FAHD2A: variants seen among roughly 807,000 people sequenced by gnomAD.
The protein encoded by FAHD2A is fumarylacetoacetate hydrolase domain containing 2A.
FAHD2A carries 27 observed loss-of-function variants against 33.4 expected under a neutral mutation model. The observed-to-expected ratio is 0.81, with a 90% CI of 0.60 to 1.11. FAHD2A has a LOEUF of 1.11. Among genes scored for constraint, FAHD2A ranks in the 50% most tolerant of loss-of-function variants. FAHD2A has a pLI of 0.00. For synonymous variants in FAHD2A, 130 were observed against 153.3 expected (o/e 0.85, Z 1.12); for missense variants, 296 against 395.0 (o/e 0.75, Z 2.12).
In FAHD2A at chr2:95,407,043, G is replaced by A. The variant is rs1558795050; in HGVS notation, c.348G>A (p.Val116=). ...DKVVCVGMNY[V]DHCKEQNVPV... is the part of the protein sequence containing the mutation. ...TGGTGTGTGTGGGCATGAATTATGTGGACCACTGCAAAGAACAGAACGTGC... is the reference window on the plus strand; with the variant it reads ...TGGTGTGTGTGGGCATGAATTATGTAGACCACTGCAAAGAACAGAACGTGC... The change falls in exon 3 of 8, where the codon GTG becomes GTA. Residue 116 remains valine, a synonymous_variant. Coordinates refer to ENST00000233379, the MANE Select transcript of FAHD2A (RefSeq NM_016044.3). 1.9e-6 allele frequency: 3 copies of A among 1,613,772 alleles called. No individual in the cohort carries two copies. Among genetic ancestry groups the A allele is most frequent in the Non-Finnish European group, 2.5e-6 (3 of 1,179,858 alleles).
At chr2:95,404,280 TCTGAGCC>T (rs1440049110) in intron 1 of FAHD2A, among the ~76,000 whole-genome samples, 4 of 151,820 alleles carry the variant, frequency 2.6e-5, no homozygotes, top group Non-Finnish European at 5.9e-5. Context: ...CAAAACAGGA[TCTGAGCC>T]CTGAGGATTT....
At chr2:95,411,154 A>T in intron 5 of FAHD2A, 128 bp downstream of exon 5, 1 of 1,440,788 alleles carries the variant, frequency 6.9e-7, no homozygotes, top group Non-Finnish European at 9.3e-7. Context: ...CTGACTCCAT[A>T]CAGGGCAAGT....
Position 95,414,402 on chromosome 2 carries a change from G to A in FAHD2A, c.*1445G>A, listed in dbSNP as rs1290196427. 9.6e-6 allele frequency: 6 copies of A among 622,242 alleles called. No homozygotes were observed. The highest frequency in any genetic ancestry group is 1.5e-5 in the Non-Finnish European group (5 of 338,052). 38.5% of individuals were successfully genotyped at this position (622,242 alleles called of 1,614,324 possible). A position where few individuals can be genotyped will look rare whatever the true frequency, so the allele number is the denominator to read the frequency against. On this transcript the variant is annotated 3_prime_UTR_variant, in exon 8 of 8. Transcript: ENST00000233379. ...GAAAACAGAGGATGTGGTGGGATGGGGAAGGAAAGGTTGTGGAAGGCCTGC... is the reference window on the plus strand; with the variant it reads ...GAAAACAGAGGATGTGGTGGGATGGAGAAGGAAAGGTTGTGGAAGGCCTGC...
In FAHD2A at chr2:95,411,496, G is replaced by A. The variant is rs374759183; in HGVS notation, c.685+470G>A. 2.2e-4 allele frequency among the ~76,000 whole-genome samples: 33 copies of A among 152,382 alleles called. No homozygotes were observed. The South Asian group carries it at 6.8e-3, about 32-fold the overall frequency. On this transcript the variant is annotated intron_variant, in intron 5 of 7. Transcript: ENST00000233379. ...GGGGCAGTGCCCCAGAGGGCAGAGC[G>A]CAGCCTCTTACACAGCCACCCACAA...
Position 95,402,737 on chromosome 2 carries a change from G to C in FAHD2A, c.-142G>C, listed in dbSNP as rs1359257272. ...TTCTCTCGGGTGATCCGGCCGAGTG[G>C]CCCTGGGTTAGCAGCTGCTGCATTT... On this transcript the variant is annotated 5_prime_UTR_variant, in exon 1 of 8. Transcript: ENST00000233379. The C allele has an allele frequency of 6.6e-6, 1 of 152,338 alleles. No homozygotes were observed. Among genetic ancestry groups the C allele is most frequent in the African/African-American group, 2.4e-5 (1 of 41,462 alleles). 9.4% of individuals were successfully genotyped at this position (152,338 alleles called of 1,614,324 possible). A position where few individuals can be genotyped will look rare whatever the true frequency, so the allele number is the denominator to read the frequency against.
chr2:95,413,873 G>T lies in FAHD2A; in HGVS notation c.*916G>T, dbSNP rs1682896664. The T allele has an allele frequency of 2.3e-6, 2 of 851,800 alleles. No homozygotes were observed. The highest frequency in any genetic ancestry group is 4.0e-6 in the Non-Finnish European group (2 of 497,766). 52.8% of individuals were successfully genotyped at this position (851,800 alleles called of 1,614,324 possible). A position where few individuals can be genotyped will look rare whatever the true frequency, so the allele number is the denominator to read the frequency against. ...GGCACCATCAGGCCAGCCCTGTGGG[G>T]TGATGGGAACATAGCTGGGTTTCCC... On this transcript the variant is annotated 3_prime_UTR_variant, in exon 8 of 8. Coordinates refer to ENST00000233379, the MANE Select transcript of FAHD2A (RefSeq NM_016044.3).
At position 95,412,486 on chromosome 2, in the gene FAHD2A, C is replaced by T. The variant is rs149789450; in HGVS notation, c.738C>T (p.Ser246=). The T allele has an allele frequency of 1.8e-3, 2,878 of 1,613,942 alleles. 2 individuals carry two copies. The highest frequency in any genetic ancestry group is 2.3e-3 in the Non-Finnish European group (2,682 of 1,179,862). Residue 246 remains serine, a synonymous_variant, in exon 6 of 8, where the codon AGC becomes AGT. Transcript: ENST00000233379. ...CCRVNGEVVQ[S]GNTNQMVFKT... ...GAGTGAATGGGGAAGTGGTCCAGAG[C>T]GGCAACACCAACCAGATGGTATTCA...
At chr2:95,403,780 G>C (rs763807966) in intron 1 of FAHD2A, among the ~76,000 whole-genome samples, 1 of 152,214 alleles carries the variant, frequency 6.6e-6, no homozygotes, top group Non-Finnish European at 1.5e-5. Context: ...TGTTTCATCT[G>C]TAAAATGAGG....
rs757914678 is a variant in FAHD2A at position 95,407,035 on chromosome 2, A to G, written c.340A>G (p.Asn114Asp). 2 of 1,613,812 alleles carry G rather than the reference A, an allele frequency of 1.2e-6. No individual in the cohort carries two copies. Among genetic ancestry groups the G allele is most frequent in the East Asian group, 4.5e-5 (2 of 44,882 alleles). ...RPDKVVCVGM[N>D]YVDHCKEQNV... is the part of the protein sequence containing the mutation. Reference sequence around the variant, plus strand: ...AGATAAGGTGGTGTGTGTGGGCATGAATTATGTGGACCACTGCAAAGAACA... The same window carrying G: ...AGATAAGGTGGTGTGTGTGGGCATGGATTATGTGGACCACTGCAAAGAACA... Residue 114 changes from asparagine to aspartate, a missense_variant, in exon 3 of 8, where the codon AAT (asparagine) becomes GAT (aspartate). Physicochemically the swap from Asn to Asp is conservative, Grantham distance 23 (BLOSUM62 1). Coordinates refer to ENST00000233379, the MANE Select transcript of FAHD2A (RefSeq NM_016044.3).
intron 3 of FAHD2A, 110 bp from the exon 4 acceptor site, chr2:95,410,417 C>T (rs1303481274): frequency 4.2e-6 from 6 of 1,412,712 alleles, no homozygotes; most frequent in Admixed American, 2.1e-5. Context: ...GGGATGGCAG[C>T]GAAGCCATAC....
chr2:95,410,770 T>C (rs1195761701), intron 4 of FAHD2A, 94 bp from the exon 5 acceptor site: 1 of 1,576,172 alleles, frequency 6.3e-7, no homozygotes, highest in Non-Finnish European at 8.6e-7. Flanking sequence ...CTCTGGCTAC[T>C]AACATGGGAT....
intron 3 of FAHD2A, among the ~76,000 whole-genome samples, chr2:95,408,949 C>G (rs967020832): frequency 6.6e-6 from 1 of 152,220 alleles, no homozygotes; most frequent in African/African-American, 2.4e-5. Context: ...AACAATACCC[C>G]CTGCCCTTTC....
chr2:95,420,762 T>C (rs1369410444), downstream of FAHD2A, among the ~76,000 whole-genome samples: 1 of 151,922 alleles, frequency 6.6e-6, no homozygotes, highest in African/African-American at 2.4e-5. Flanking sequence ...AAGTAAACTA[T>C]GGGAAAGGAA....
chr2:95,405,032 A>C (rs1392844730), intron 1 of FAHD2A, among the ~76,000 whole-genome samples: 1 of 152,246 alleles, frequency 6.6e-6, no homozygotes, highest in Non-Finnish European at 1.5e-5. Context: ...GCCACTGTGA[A>C]GCCAGTTTCA....
intron 2 of FAHD2A, among the ~76,000 whole-genome samples, 183 bp downstream of exon 2, chr2:95,405,986 A>G (rs556549971): frequency 1.4e-4 from 22 of 151,976 alleles, no homozygotes; most frequent in African/African-American, 5.3e-4. Context: ...TTCAGTTTTC[A>G]GAGGAGAAAA....
At chr2:95,412,655 G>A (rs374523968) in intron 6 of FAHD2A, 22 bp from the exon 7 acceptor site, 28 of 1,613,768 alleles carry the variant, frequency 1.7e-5, no homozygotes, top group Admixed American at 5.0e-5. Context: ...TGGTCTCACC[G>A]GGTCCTTCTG....
chr2:95,419,700 G>T (rs915165933), downstream of FAHD2A, among the ~76,000 whole-genome samples: 2 of 151,934 alleles, frequency 1.3e-5, no homozygotes, highest in African/African-American at 2.4e-5. Context: ...TGCTGTATTA[G>T]TCAGAGTTCT....
intron 4 of FAHD2A, 81 bp downstream of exon 4, chr2:95,410,667 A>T: frequency 6.3e-7 from 1 of 1,581,798 alleles, no homozygotes; most frequent in Non-Finnish European, 8.6e-7. Flanking sequence ...GACCCCACTC[A>T]CCAACACACG....
chr2:95,419,614 A>G (rs1683286240), downstream of FAHD2A, among the ~76,000 whole-genome samples: 1 of 152,064 alleles, frequency 6.6e-6, no homozygotes. Context: ...AGTGAGGAAT[A>G]AATGGAAGCA....
Sources: allele counts gnomAD v4.1 joint callset (sites outside exome capture counted in the v4.1 genomes callset), GRCh38; gene constraint gnomAD v4.1.1; transcripts MANE v1.5; gene names NCBI Gene and HGNC (gene_info 2026-07-23, HGNC 2026-07-21).